The following HEATR5B variants were observed in gnomAD, a reference collection of about 807,000 sequenced individuals.
HEATR5B encodes HEAT repeat containing 5B.
In HEATR5B, 156 loss-of-function variants were observed where a neutral mutation model predicts 224.1. The ratio of observed to expected loss-of-function variants is 0.70; its 90% CI spans 0.61 to 0.80. The LOEUF is 0.80. Among genes scored for constraint, HEATR5B ranks in the 30% least tolerant of loss-of-function variants. The probability of loss-of-function intolerance (pLI) is 0.00; values close to 1 mark genes in which losing one functional copy is unlikely to be tolerated. For missense variants in HEATR5B, 2,323 were observed against 2,535.5 expected (o/e 0.92, Z 1.80); for synonymous variants, 1,027 against 893.0 (o/e 1.15, Z -2.68).
chr2:37,069,136 T>C (rs1671761537), intron 7 of HEATR5B, among the ~76,000 whole-genome samples: 1 of 152,198 alleles, frequency 6.6e-6, no homozygotes, highest in South Asian at 2.1e-4. Context: ...AAACAGTTCT[T>C]AAGATAACAA....
chr2:37,075,665 G>C, intron 4 of HEATR5B, 31 bp from the exon 5 acceptor site: 1 of 1,549,200 alleles, frequency 6.5e-7, no homozygotes, highest in Non-Finnish European at 8.8e-7. Context: ...AAACTATTTT[G>C]TAAAATAAAT....
At position 37,005,679 on chromosome 2, in the gene HEATR5B, T is replaced by G. The variant is rs760939355; in HGVS notation, c.4858A>C (p.Thr1620Pro). The G allele has an allele frequency of 6.2e-7, 1 of 1,613,272 alleles. No homozygotes were observed. Among genetic ancestry groups the G allele is most frequent in the Non-Finnish European group, 8.5e-7 (1 of 1,179,270 alleles). Residue 1620 changes from threonine to proline, a missense_variant, in exon 30 of 36, where the codon ACC becomes CCC. Physicochemically the swap from Thr to Pro is conservative, Grantham distance 38. Transcript: ENST00000233099. Reference protein sequence around the residue: ...HVTACLQALHTLLDSPYARVH... With the variant: ...HVTACLQALHPLLDSPYARVH... ...CGAGCATAAGGGGAGTCTAGCAAGG[T>G]ATGTAAGGCCTGCAGGCATGCTGTA...
At chr2:37,066,665 C>T (rs1304337737) in intron 8 of HEATR5B, among the ~76,000 whole-genome samples, 1 of 152,116 alleles carries the variant, frequency 6.6e-6, no homozygotes, top group Non-Finnish European at 1.5e-5. Flanking sequence ...AGAATACATT[C>T]TGGCCCACAA....
chr2:37,036,781 G>C (rs1157520992), intron 21 of HEATR5B, among the ~76,000 whole-genome samples: 2 of 151,918 alleles, frequency 1.3e-5, no homozygotes, highest in Non-Finnish European at 2.9e-5. Flanking sequence ...CAAAGTGCTG[G>C]GATTACAGGC....
chr2:37,010,299 C>T (rs1667707135), intron 27 of HEATR5B, among the ~76,000 whole-genome samples: 1 of 152,062 alleles, frequency 6.6e-6, no homozygotes, highest in Non-Finnish European at 1.5e-5. Context: ...AACGAGAAAG[C>T]CTAAGTATGG....
At chr2:37,049,557 C>T (rs904417547) in intron 18 of HEATR5B, 96 bp downstream of exon 18, 1 of 1,047,966 alleles carries the variant, frequency 9.5e-7, no homozygotes, top group Non-Finnish European at 1.4e-6. Flanking sequence ...TTATCACATG[C>T]TGTATACCAT....
At position 36,990,690 on chromosome 2, in the gene HEATR5B, G is replaced by A. The variant is rs1398009689; in HGVS notation, c.5655C>T (p.Cys1885=). The change falls in exon 34 of 36, where the codon TGC becomes TGT. Residue 1885 remains cysteine (C), a synonymous_variant. Coordinates refer to ENST00000233099, the MANE Select transcript of HEATR5B (RefSeq NM_019024.3). ...TTAATGCATTTTTAAATCTGTTCAT[G>A]CAGCCATTCTGTAATGACTGGACTC... ...IIGVQSLQNG[C]MNRFKNALNS... 1.9e-6 allele frequency: 3 copies of A among 1,608,442 alleles called. No individual in the cohort carries two copies. Among genetic ancestry groups the A allele is most frequent in the Non-Finnish European group, 2.5e-6 (3 of 1,177,276 alleles).
chr2:37,083,509 T>G (rs1672754364), intron 1 of HEATR5B, 73 bp from the exon 2 acceptor site: 7 of 1,110,676 alleles, frequency 6.3e-6, no homozygotes, highest in Non-Finnish European at 9.0e-6. Context: ...TGGAATATAC[T>G]CACTAAGAAA....
At position 37,037,197 on chromosome 2, in the gene HEATR5B, A is replaced by G. The variant is rs559675240; in HGVS notation, c.3216+658T>C. On this transcript the variant is annotated intron_variant, in intron 21 of 35. Transcript: ENST00000233099. Reference sequence around the variant, plus strand: ...GTCTTGCTCTGTCGCCCAGGCTGGAATGCAGTGGTGCGATCTCGGCTCACT... The same window carrying G: ...GTCTTGCTCTGTCGCCCAGGCTGGAGTGCAGTGGTGCGATCTCGGCTCACT... Among the ~76,000 whole-genome samples the G allele has an allele frequency of 2.3e-5, 3 of 129,414 alleles. 1 individual carries two copies. Among genetic ancestry groups the G allele is most frequent in the South Asian group, 5.6e-4 (2 of 3,574 alleles). 84.9% of individuals were successfully genotyped at this position (129,414 alleles called of 152,430 possible).
intron 18 of HEATR5B, 45 bp from the exon 19 acceptor site, chr2:37,041,337 TA>T (rs1558332941): frequency 1.1e-5 from 17 of 1,578,724 alleles, no homozygotes; most frequent in Middle Eastern, 1.7e-4. Flanking sequence ...GCTATTTCCC[TA>T]TAAAAACAAC....
intron 17 of HEATR5B, among the ~76,000 whole-genome samples, chr2:37,051,455 T>A (rs1445706856): frequency 6.6e-6 from 1 of 152,128 alleles, no homozygotes. Flanking sequence ...TTGTTCTAGC[T>A]GTACTTACCA....
rs1668419470 is a variant in HEATR5B, at chr2:37,020,889, A to G, written c.3854-53T>C. The G allele has an allele frequency of 2.4e-5, 24 of 1,010,222 alleles. 2 individuals carry two copies. The South Asian group carries it at 4.7e-4, about 20-fold the overall frequency. The allele number at this position is 1,010,222 out of a possible 1,614,324, so 62.6% of individuals were successfully genotyped here. A position where few individuals can be genotyped will look rare whatever the true frequency, so the allele number is the denominator to read the frequency against. On this transcript the variant is annotated intron_variant, in intron 24 of 35. Transcript: ENST00000233099. ...GAAAACTTTTCCAAAAATAAGTGTA[A>G]TAACATAAAAATATGAAATGAAATA...
intron 35 of HEATR5B, among the ~76,000 whole-genome samples, chr2:36,984,754 T>C (rs532746358): frequency 1.3e-5 from 2 of 152,304 alleles, no homozygotes; most frequent in African/African-American, 4.8e-5. Flanking sequence ...GACTTGATGC[T>C]GTAAGGAAAG....
chr2:37,072,568 C>CAAT (rs991543568), intron 5 of HEATR5B, among the ~76,000 whole-genome samples: 20 of 152,074 alleles, frequency 1.3e-4, no homozygotes, highest in African/African-American at 4.8e-4. Flanking sequence ...GGTCTCAAAT[C>CAAT]AATAACCTCA....
At chr2:36,984,600 A>G (rs1665825339) in intron 35 of HEATR5B, among the ~76,000 whole-genome samples, 3 of 152,284 alleles carry the variant, frequency 2.0e-5, no homozygotes, top group South Asian at 4.1e-4. Flanking sequence ...AAAAAATAAG[A>G]GAAAAAACAA....
intron 33 of HEATR5B, among the ~76,000 whole-genome samples, chr2:36,998,106 T>C (rs979574792): frequency 6.6e-6 from 1 of 152,186 alleles, no homozygotes; most frequent in Non-Finnish European, 1.5e-5. Context: ...CCACTGATTC[T>C]TGGGCCTACT....
At chr2:36,984,970 T>G (rs1332240058) in intron 35 of HEATR5B, among the ~76,000 whole-genome samples, 1 of 152,162 alleles carries the variant, frequency 6.6e-6, no homozygotes, top group Non-Finnish European at 1.5e-5. Flanking sequence ...ATAAAGATGA[T>G]GAACAAGGAG....
At position 37,036,516 on chromosome 2, in the gene HEATR5B, G is replaced by T. The variant is rs1173911624; in HGVS notation, c.3216+1339C>A. On this transcript the variant is annotated intron_variant, in intron 21 of 35. Transcript: ENST00000233099. Reference sequence around the variant, plus strand: ...GCAAATCACACCTTAAATATCAATTGTTTTTTTTTTTTGAGACAGAGTTTC... The same window carrying T: ...GCAAATCACACCTTAAATATCAATTTTTTTTTTTTTTTGAGACAGAGTTTC... Among the ~76,000 whole-genome samples, 26 of 148,620 alleles carry T rather than the reference G, an allele frequency of 1.7e-4. No individual in the cohort carries two copies. The East Asian group carries it at 4.5e-3, about 26-fold the overall frequency.
chr2:37,043,527 A>G (rs1321721604), intron 18 of HEATR5B, among the ~76,000 whole-genome samples: 1 of 152,206 alleles, frequency 6.6e-6, no homozygotes, highest in Non-Finnish European at 1.5e-5. Flanking sequence ...ATTCTGCAAG[A>G]GTTTCAATGG....
Sources: allele counts gnomAD v4.1 joint callset (sites outside exome capture counted in the v4.1 genomes callset), GRCh38; gene constraint gnomAD v4.1.1; transcripts MANE v1.5; gene names NCBI Gene and HGNC (gene_info 2026-07-23, HGNC 2026-07-21).